The following SYT2 variants were observed in gnomAD, a reference collection of about 807,000 sequenced individuals.
SYT2 encodes the protein synaptotagmin-2.
SYT2 carries 15 observed loss-of-function variants against 39.9 expected under a neutral mutation model. The observed-to-expected ratio is 0.38, with a 90% confidence interval of 0.25 to 0.58. The LOEUF (loss-of-function observed/expected upper bound fraction) is 0.58, where lower values mean the gene tolerates loss of function less well. Ranked by LOEUF, SYT2 falls within the 20% of genes least tolerant of loss-of-function variation. The pLI, the probability that SYT2 is intolerant of heterozygous loss-of-function variation, is 0.70. For synonymous variants in SYT2, 181 were observed against 204.5 expected, an observed-to-expected ratio of 0.89 and a Z score of 0.98; for missense variants, 389 against 530.3, an observed-to-expected ratio of 0.73 and a Z score of 2.62.
chr1:202,659,877 G>A lies in SYT2; in HGVS notation c.-18+50381C>T, dbSNP rs527389461. Among the ~76,000 whole-genome samples the A allele has an allele frequency of 2.6e-5, 4 of 152,304 alleles. No individual in the cohort carries two copies. The East Asian group carries it at 7.7e-4, about 29-fold the overall frequency. On this transcript the variant is annotated intron_variant, in intron 1 of 8. Coordinates refer to ENST00000367268, the MANE Select transcript of SYT2 (RefSeq NM_177402.5). ...GTAAGTTGGGGGTGAGGGGTGGGGA[G>A]CTGGGCTGGTAGGGTCAGAGCTACT... is the stretch of plus-strand genomic sequence containing the variant.
intron 1 of SYT2, chr1:202,627,712 C>T: frequency 1.0e-5 from 8 of 781,370 alleles, no homozygotes; most frequent in Non-Finnish European, 1.2e-5. Flanking sequence ...TAACCCCTAG[C>T]ATGTTTAATT....
At chr1:202,613,068 CTTTTTTTTTT>C (rs146069389) in intron 1 of SYT2, among the ~76,000 whole-genome samples, 1 of 75,112 alleles carries the variant, frequency 1.3e-5, no homozygotes, top group Non-Finnish European at 2.4e-5. Context: ...TTGGTTCTTC[CTTTTTTTTTT>C]TTTTTTTTTT....
intron 1 of SYT2, chr1:202,639,662 A>G (rs1221418062): frequency 2.7e-5 from 27 of 985,340 alleles, no homozygotes; most frequent in Non-Finnish European, 2.7e-5. Flanking sequence ...CCTCATCATC[A>G]GGAGCCTTTT....
At chr1:202,657,377 G>A (rs996988116) in intron 1 of SYT2, among the ~76,000 whole-genome samples, 1 of 152,208 alleles carries the variant, frequency 6.6e-6, no homozygotes, top group African/African-American at 2.4e-5. Context: ...TCTTCTCCCA[G>A]TGAGATCTGA....
intron 1 of SYT2, among the ~76,000 whole-genome samples, chr1:202,671,064 G>A (rs915413246): frequency 9.2e-5 from 14 of 152,200 alleles, no homozygotes; most frequent in Admixed American, 3.9e-4. Flanking sequence ...TCCCATCGGC[G>A]ATCAGCTAGC....
intron 1 of SYT2, among the ~76,000 whole-genome samples, chr1:202,636,005 TG>T (rs1691730664): frequency 6.6e-6 from 1 of 152,162 alleles, no homozygotes; most frequent in Admixed American, 6.5e-5. Context: ...GTGGATAGTC[TG>T]GCTGCAAGTG....
intron 1 of SYT2, among the ~76,000 whole-genome samples, chr1:202,677,551 A>T (rs984239032): frequency 7.9e-5 from 12 of 152,026 alleles, no homozygotes; most frequent in Non-Finnish European, 1.2e-4. Flanking sequence ...GCCAGCCCCA[A>T]CTCGCCATGT....
chr1:202,659,479 C>T (rs536558697), intron 1 of SYT2, among the ~76,000 whole-genome samples: 8 of 151,812 alleles, frequency 5.3e-5, no homozygotes, highest in African/African-American at 1.4e-4. Flanking sequence ...AAGAGAGCGG[C>T]AAAAAGAGAT....
chr1:202,640,794 CAGACAGACAGAG>C (rs1691894790), intron 1 of SYT2, among the ~76,000 whole-genome samples: 1 of 83,240 alleles, frequency 1.2e-5, no homozygotes, highest in African/African-American at 4.9e-5. Context: ...GAGAGAGAGA[CAGACAGACAGAG>C]AGACAGAGAG....
intron 1 of SYT2, among the ~76,000 whole-genome samples, chr1:202,669,220 G>C (rs1692536779): frequency 2.0e-5 from 3 of 152,142 alleles, no homozygotes; most frequent in Non-Finnish European, 4.4e-5. Context: ...AAATACTAAT[G>C]TTTAATTTTT....
intron 1 of SYT2, among the ~76,000 whole-genome samples, chr1:202,689,371 C>T (rs1653762126): frequency 6.6e-6 from 1 of 152,184 alleles, no homozygotes; most frequent in African/African-American, 2.4e-5. Flanking sequence ...CTCTCTCAAG[C>T]ACATGGATGC....
At chr1:202,619,026 C>T (rs773039662) in intron 1 of SYT2, among the ~76,000 whole-genome samples, 1 of 152,216 alleles carries the variant, frequency 6.6e-6, no homozygotes. Flanking sequence ...ATCCCTGGAC[C>T]CCTAGTCCAG....
intron 1 of SYT2, among the ~76,000 whole-genome samples, chr1:202,653,684 G>C (rs1382390961): frequency 1.3e-5 from 2 of 152,202 alleles, no homozygotes; most frequent in Admixed American, 1.3e-4. Flanking sequence ...CTGGGCGCTG[G>C]AGTCCCACGA....
intron 1 of SYT2, among the ~76,000 whole-genome samples, chr1:202,707,634 C>T (rs1654286672): frequency 6.6e-6 from 1 of 152,208 alleles, no homozygotes; most frequent in African/African-American, 2.4e-5. Flanking sequence ...AGCCCAACCT[C>T]CTCCCACTCT....
chr1:202,602,090 G>C (rs201139201), intron 5 of SYT2, 33 bp from the exon 6 acceptor site: 34 of 1,611,640 alleles, frequency 2.1e-5, no homozygotes, highest in Non-Finnish European at 2.9e-5. Flanking sequence ...GAGGGGGCCA[G>C]AGCGACTCAC....
chr1:202,606,863 T>C (rs911747261), intron 1 of SYT2, among the ~76,000 whole-genome samples: 1 of 152,180 alleles, frequency 6.6e-6, no homozygotes, highest in Admixed American at 6.5e-5. Context: ...TGAGTATGTT[T>C]TACATGTTGA....
intron 1 of SYT2, among the ~76,000 whole-genome samples, chr1:202,663,243 C>T (rs763405837): frequency 6.6e-6 from 1 of 152,156 alleles, no homozygotes; most frequent in Admixed American, 6.5e-5. Context: ...CCAAGGGATG[C>T]GGAGGTCATT....
intron 1 of SYT2, chr1:202,631,900 C>T: frequency 2.3e-6 from 1 of 437,528 alleles, no homozygotes. Flanking sequence ...CCCTGAGAGC[C>T]TCTAAATCTC....
chr1:202,665,107 G>T (rs951900054), intron 1 of SYT2, among the ~76,000 whole-genome samples: 4 of 152,092 alleles, frequency 2.6e-5, no homozygotes, highest in Non-Finnish European at 4.4e-5. Context: ...TGTATATTCT[G>T]CTCTTACTCT....
Sources: gnomAD v4.1 joint callset for allele counts (sites outside exome capture counted in the v4.1 genomes callset) on GRCh38, gnomAD v4.1.1 for gene constraint, MANE v1.5 for transcripts, NCBI Gene and HGNC (gene_info 2026-07-23, HGNC 2026-07-21) for gene names.